The following LAMA2 variants were observed in gnomAD, a reference collection of about 807,000 sequenced individuals.
The protein encoded by LAMA2 is laminin subunit alpha-2.
In LAMA2, 269 loss-of-function variants were observed where a neutral mutation model predicts 364.8. The ratio of observed to expected loss-of-function variants is 0.74; its 90% CI spans 0.67 to 0.82. The LOEUF (loss-of-function observed/expected upper bound fraction) is 0.82, where lower values mean the gene tolerates loss of function less well. LAMA2 is among the 40% of genes least tolerant of loss of function. The pLI is 0.00. For synonymous variants in LAMA2, 1,379 were observed against 1,370.6 expected, an observed-to-expected ratio of 1.01 and a Z score of -0.14; for missense variants, 3,807 against 3,873.2, an observed-to-expected ratio of 0.98 and a Z score of 0.45.
intron 1 of LAMA2, among the ~76,000 whole-genome samples, chr6:128,889,855 T>G (rs1776349817): frequency 6.6e-6 from 1 of 152,302 alleles, no homozygotes; most frequent in African/African-American, 2.4e-5. Context: ...TGGATCTTAA[T>G]ATGGGAACTT....
At chr6:128,946,530 T>C (rs569966815) in intron 1 of LAMA2, among the ~76,000 whole-genome samples, 1 of 152,350 alleles carries the variant, frequency 6.6e-6, no homozygotes, top group African/African-American at 2.4e-5. Context: ...ATATTGACTA[T>C]GTATTGCTTT....
intron 34 of LAMA2, among the ~76,000 whole-genome samples, chr6:129,382,831 A>G (rs925641256): frequency 1.3e-5 from 2 of 152,218 alleles, no homozygotes; most frequent in Non-Finnish European, 2.9e-5. Flanking sequence ...CTGTACCTTA[A>G]AGATATTTCA....
intron 4 of LAMA2, among the ~76,000 whole-genome samples, chr6:129,112,875 A>G (rs1776238570): frequency 6.6e-6 from 1 of 151,952 alleles, no homozygotes; most frequent in Admixed American, 6.6e-5. Context: ...TAACTGAATA[A>G]ATTGAGTAGA....
At chr6:129,159,858 A>T (rs1170995411) in intron 8 of LAMA2, among the ~76,000 whole-genome samples, 2 of 152,206 alleles carry the variant, frequency 1.3e-5, no homozygotes, top group Non-Finnish European at 2.9e-5. Flanking sequence ...ACTGAAATGA[A>T]CATAAGGATT....
intron 10 of LAMA2, among the ~76,000 whole-genome samples, chr6:129,184,997 G>A (rs1050147164): frequency 6.6e-6 from 1 of 151,792 alleles, no homozygotes; most frequent in Non-Finnish European, 1.5e-5. Context: ...TCCTTCTTTT[G>A]TTAACTTATT....
At chr6:128,959,382 A>G (rs1444969020) in intron 1 of LAMA2, among the ~76,000 whole-genome samples, 1 of 151,752 alleles carries the variant, frequency 6.6e-6, no homozygotes, top group African/African-American at 2.4e-5. Flanking sequence ...AAGATGCCTT[A>G]ATTCCCCCCT....
intron 22 of LAMA2, among the ~76,000 whole-genome samples, chr6:129,303,586 C>T (rs182060133): frequency 5.9e-5 from 9 of 152,160 alleles, no homozygotes; most frequent in African/African-American, 1.9e-4. Flanking sequence ...GATGCCCCCT[C>T]GTGTTTTTAG....
chr6:129,328,781 T>C (rs949883580), intron 29 of LAMA2, among the ~76,000 whole-genome samples: 1 of 152,194 alleles, frequency 6.6e-6, no homozygotes, highest in African/African-American at 2.4e-5. Flanking sequence ...AAATGCAACA[T>C]AACATTTTAA....
intron 12 of LAMA2, among the ~76,000 whole-genome samples, chr6:129,246,395 T>C (rs1378700979): frequency 4.6e-5 from 7 of 152,236 alleles, no homozygotes; most frequent in Non-Finnish European, 1.0e-4. Context: ...GAATTAGTTA[T>C]TGCAGTGCCC....
rs1012694456 is a variant in LAMA2, at chr6:129,172,943, C to G, written c.1307-4763C>G. Among the ~76,000 whole-genome samples the G allele has an allele frequency of 3.3e-5, 5 of 152,302 alleles. No individual in the cohort carries two copies. In the East Asian group the frequency reaches 5.8e-4, roughly 18 times the overall value. Reference sequence around the variant, plus strand: ...GGGAGTGACCCGATTTTCCAGGTGCCGTCCGTCACCCCTTTCTGTGACTCG... The same window carrying G: ...GGGAGTGACCCGATTTTCCAGGTGCGGTCCGTCACCCCTTTCTGTGACTCG... On this transcript the variant is annotated intron_variant, in intron 9 of 64. Coordinates refer to ENST00000421865, the MANE Select transcript of LAMA2 (RefSeq NM_000426.4).
chr6:129,241,268 A>G (rs1025089191), intron 12 of LAMA2, among the ~76,000 whole-genome samples: 6 of 152,218 alleles, frequency 3.9e-5, no homozygotes, highest in African/African-American at 1.4e-4. Flanking sequence ...AAAATTCCAT[A>G]GGGAAACATT....
At chr6:129,295,815 A>ATG (rs386408582) in intron 20 of LAMA2, among the ~76,000 whole-genome samples, 1 of 151,094 alleles carries the variant, frequency 6.6e-6, no homozygotes, top group African/African-American at 2.4e-5. Flanking sequence ...GTGTATATAT[A>ATG]TGTGTTTATA....
intron 40 of LAMA2, among the ~76,000 whole-genome samples, chr6:129,412,255 T>A (rs933195730): frequency 6.6e-6 from 1 of 152,176 alleles, no homozygotes; most frequent in Non-Finnish European, 1.5e-5. Flanking sequence ...AATTTCTTCT[T>A]CTTCAGGGGA....
intron 32 of LAMA2, among the ~76,000 whole-genome samples, chr6:129,361,783 CTTTTT>C (rs66805881): frequency 8.3e-6 from 1 of 121,096 alleles, no homozygotes; most frequent in African/African-American, 3.1e-5. Flanking sequence ...TAACAGTAAC[CTTTTT>C]TTTTTTTTTT....
At chr6:129,345,263 G>A (rs1776482500) in intron 30 of LAMA2, among the ~76,000 whole-genome samples, 1 of 152,070 alleles carries the variant, frequency 6.6e-6, no homozygotes, top group African/African-American at 2.4e-5. Flanking sequence ...AACATGCCTG[G>A]GCTACATGAC....
intron 1 of LAMA2, among the ~76,000 whole-genome samples, chr6:129,041,150 A>G (rs911767902): frequency 1.3e-5 from 2 of 152,190 alleles, no homozygotes; most frequent in African/African-American, 4.8e-5. Context: ...CCACCAGACA[A>G]CAACCTTCTT....
At chr6:128,909,393 G>A (rs1008094049) in intron 1 of LAMA2, among the ~76,000 whole-genome samples, 1 of 151,472 alleles carries the variant, frequency 6.6e-6, no homozygotes, top group Non-Finnish European at 1.5e-5. Context: ...TTATGTAATG[G>A]CCTTCTTTGT....
At chr6:129,250,901 G>T (rs948715006) in intron 13 of LAMA2, among the ~76,000 whole-genome samples, 1 of 151,846 alleles carries the variant, frequency 6.6e-6, no homozygotes, top group Non-Finnish European at 1.5e-5. Context: ...GTTGTTTCCT[G>T]TCTTGAAACT....
intron 1 of LAMA2, among the ~76,000 whole-genome samples, chr6:129,034,578 G>A (rs1274834346): frequency 6.6e-6 from 1 of 151,834 alleles, no homozygotes; most frequent in African/African-American, 2.4e-5. Flanking sequence ...TCACCCAAAT[G>A]GTGAACATTG....
Sources: allele counts gnomAD v4.1 joint callset (sites outside exome capture counted in the v4.1 genomes callset), GRCh38; gene constraint gnomAD v4.1.1; transcripts MANE v1.5; gene names NCBI Gene and HGNC (gene_info 2026-07-23, HGNC 2026-07-21).